TEX36: variants seen among roughly 807,000 people sequenced by gnomAD.
TEX36 encodes testis expressed 36.
In TEX36, 12 loss-of-function variants were observed where a neutral mutation model predicts 13.6. That is an observed-to-expected ratio of 0.88 (90% CI 0.56 to 1.43). The LOEUF (loss-of-function observed/expected upper bound fraction) is 1.43. TEX36 is among the 40% of genes most tolerant of loss of function. The probability of loss-of-function intolerance (pLI) is 0.00; values close to 1 mark genes in which losing one functional copy is unlikely to be tolerated. For synonymous variants in TEX36, 93 were observed against 83.0 expected (o/e 1.12, Z -0.65); for missense variants, 224 against 228.3 (o/e 0.98, Z 0.12).
At chr10:125,581,663 C>A (rs772273005) in intron 3 of TEX36, among the ~76,000 whole-genome samples, 1 of 152,210 alleles carries the variant, frequency 6.6e-6, no homozygotes, top group Non-Finnish European at 1.5e-5. Context: ...CTTTTTCCCC[C>A]CTAAGGTTGA....
Position 125,655,992 on chromosome 10 carries a change from G to T in TEX36, c.469C>A (p.Leu157Ile). ...YKEIWNAFTFLPERSYTEVLK... is the reference protein window; with the variant it reads ...YKEIWNAFTFIPERSYTEVLK... ...ACCTCTGTATAGCTTCTCTCAGGAA[G>T]AAATGTAAAAGCGTTCCATATCTCT... is the stretch of plus-strand genomic sequence containing the variant. The change falls in exon 4 of 4, where the codon CTT (leucine) becomes ATT (isoleucine). Residue 157 changes from leucine to isoleucine, a missense_variant. Coordinates refer to ENST00000368821, the MANE Select transcript of TEX36 (RefSeq NM_001128202.3). The T allele has an allele frequency of 6.4e-7, 1 of 1,551,758 alleles. No homozygotes were observed.
chr10:125,619,412 A>G (rs539722251), downstream of TEX36, among the ~76,000 whole-genome samples: 2 of 151,830 alleles, frequency 1.3e-5, no homozygotes, highest in Non-Finnish European at 2.9e-5. Flanking sequence ...CCCCAACACC[A>G]CCACCCACAT....
intron 3 of TEX36, among the ~76,000 whole-genome samples, chr10:125,628,503 T>A (rs1234279339): frequency 6.6e-6 from 1 of 152,190 alleles, no homozygotes; most frequent in Non-Finnish European, 1.5e-5. Flanking sequence ...GATGAGCATA[T>A]CAGTCTCTAA....
intron 3 of TEX36, among the ~76,000 whole-genome samples, chr10:125,632,093 C>A (rs185085751): frequency 6.6e-6 from 1 of 152,172 alleles, no homozygotes; most frequent in Non-Finnish European, 1.5e-5. Context: ...TGTCCTCAGG[C>A]TGAATGGCAG....
In TEX36 at chr10:125,576,829, G is replaced by A. The variant is rs1301230266; in HGVS notation, c.310C>T (p.Gln104Ter). The A allele has an allele frequency of 6.5e-7, 1 of 1,536,030 alleles. No individual in the cohort carries two copies. The highest frequency in any genetic ancestry group is 2.0e-5 in the Admixed American group (1 of 50,998). The change falls in exon 4 of 4, where the codon CAA (glutamine) becomes TAA (stop). Residue 104 changes from glutamine to a stop codon, truncating the protein, a stop_gained. Transcript: ENST00000532135. LOFTEE classifies it low-confidence loss of function (END_TRUNC). ...GTCCTCACCGGCTCATAGAACTCTT[G>A]TCTCTTGTCTGGTTCTCCCTGTGGG...
At chr10:125,678,914 T>C (rs895326530) in intron 1 of TEX36, among the ~76,000 whole-genome samples, 2 of 152,124 alleles carry the variant, frequency 1.3e-5, no homozygotes, top group Admixed American at 1.3e-4. Flanking sequence ...CCAGCCATCG[T>C]GAGCAGGAGC....
chr10:125,605,410 G>A (rs377363705), intron 3 of TEX36, among the ~76,000 whole-genome samples: 1 of 151,696 alleles, frequency 6.6e-6, no homozygotes, highest in East Asian at 1.9e-4. Flanking sequence ...TCCACACGCA[G>A]CGTAGTGCAG....
chr10:125,658,768 T>A (rs1198248002), intron 3 of TEX36, among the ~76,000 whole-genome samples: 1 of 152,022 alleles, frequency 6.6e-6, no homozygotes, highest in African/African-American at 2.4e-5. Flanking sequence ...ATTCTTCCAA[T>A]TTTTTTAGGA....
chr10:125,679,860 C>T (rs954057518), intron 1 of TEX36, among the ~76,000 whole-genome samples: 4 of 152,282 alleles, frequency 2.6e-5, no homozygotes, highest in Non-Finnish European at 5.9e-5. Context: ...TATTATTTTA[C>T]GGTAGCTTTG....
chr10:125,667,023 C>G, intron 1 of TEX36: 1 of 1,467,414 alleles, frequency 6.8e-7, no homozygotes, highest in Non-Finnish European at 9.3e-7. Context: ...TTCTTCCTGC[C>G]CCAGGCCTTC....
intron 1 of TEX36, chr10:125,666,965 GT>G: frequency 9.9e-7 from 1 of 1,014,818 alleles, no homozygotes; most frequent in Middle Eastern, 2.6e-4. Context: ...AGGCCAGGCT[GT>G]TGGCCACGGC....
Position 125,655,700 on chromosome 10 carries a change from T to C in TEX36, c.*200A>G, listed in dbSNP as rs1033791094. ...TTTTAAAACTCCCCAAAAGTAAATG[T>C]GGCCATCTGAAAAGTTTATTTACAC... On this transcript the variant is annotated 3_prime_UTR_variant, in exon 4 of 4. Coordinates refer to ENST00000368821, the MANE Select transcript of TEX36 (RefSeq NM_001128202.3). 2.4e-6 allele frequency: 3 copies of C among 1,257,658 alleles called. No individual in the cohort carries two copies. In the Admixed American group the frequency reaches 1.2e-4, roughly 48 times the overall value. The allele number at this position is 1,257,658 out of a possible 1,614,324, so 77.9% of individuals were successfully genotyped here.
intron 3 of TEX36, among the ~76,000 whole-genome samples, chr10:125,584,935 C>G (rs750136225): frequency 1.3e-5 from 2 of 152,300 alleles, no homozygotes; most frequent in Middle Eastern, 3.4e-3. Flanking sequence ...ACAAATGTTT[C>G]TTCATGTCAT....
At chr10:125,622,223 C>T (rs1395189628) in intron 3 of TEX36, among the ~76,000 whole-genome samples, 1 of 152,178 alleles carries the variant, frequency 6.6e-6, no homozygotes, top group Non-Finnish European at 1.5e-5. Flanking sequence ...CTTCGTACAA[C>T]AAGAAGCACA....
downstream of TEX36, among the ~76,000 whole-genome samples, chr10:125,618,192 A>G (rs958616894): frequency 2.6e-5 from 4 of 151,794 alleles, no homozygotes; most frequent in African/African-American, 9.7e-5. Flanking sequence ...ATTCTTCTAA[A>G]TTTTTTTCAA....
chr10:125,588,190 C>T (rs967840748), intron 3 of TEX36, among the ~76,000 whole-genome samples: 8 of 152,228 alleles, frequency 5.3e-5, no homozygotes, highest in African/African-American at 1.9e-4. Context: ...TTGGATAGAA[C>T]TCTCCATAGA....
At chr10:125,634,503 C>T (rs986807364) in intron 3 of TEX36, among the ~76,000 whole-genome samples, 1 of 152,150 alleles carries the variant, frequency 6.6e-6, no homozygotes, top group Non-Finnish European at 1.5e-5. Flanking sequence ...GAGCAAACTT[C>T]TTATCTTCTC....
chr10:125,625,027 T>C (rs962542868), intron 3 of TEX36, among the ~76,000 whole-genome samples: 1 of 152,110 alleles, frequency 6.6e-6, no homozygotes, highest in African/African-American at 2.4e-5. Flanking sequence ...TGCCAGACAA[T>C]TGAGATGGCA....
intron 3 of TEX36, among the ~76,000 whole-genome samples, chr10:125,631,471 C>T (rs1371602742): frequency 6.6e-6 from 1 of 152,106 alleles, no homozygotes; most frequent in Admixed American, 6.5e-5. Flanking sequence ...GAGAGAAAAG[C>T]GCATTTTCTG....
Sources: allele counts gnomAD v4.1 joint callset (sites outside exome capture counted in the v4.1 genomes callset), GRCh38; gene constraint gnomAD v4.1.1; transcripts MANE v1.5; gene names NCBI Gene and HGNC (gene_info 2026-07-23, HGNC 2026-07-21).